The following MARCHF1 variants were observed in gnomAD, a reference collection of about 807,000 sequenced individuals.
The protein encoded by MARCHF1 is membrane associated ring-CH-type finger 1, also known as E3 ubiquitin-protein ligase MARCHF1.
Under a neutral mutation model 54.2 loss-of-function variants are expected in MARCHF1, and 40 were observed. The ratio of observed to expected loss-of-function variants is 0.74; its 90% CI spans 0.57 to 0.96. The LOEUF (loss-of-function observed/expected upper bound fraction) is 0.96. MARCHF1 is among the 40% of genes least tolerant of loss of function. MARCHF1 has a pLI of 0.00. For synonymous variants in MARCHF1, 236 were observed against 236.3 expected (o/e 1.00, Z 0.01); for missense variants, 586 against 656.5 (o/e 0.89, Z 1.17).
intron 4 of MARCHF1, among the ~76,000 whole-genome samples, chr4:163,827,040 A>G (rs1748871798): frequency 6.6e-6 from 1 of 152,036 alleles, no homozygotes; most frequent in Admixed American, 6.6e-5. Flanking sequence ...CTAAAATTGT[A>G]TGAACTTATG....
intron 5 of MARCHF1, among the ~76,000 whole-genome samples, chr4:163,678,986 G>A (rs1337390633): frequency 1.3e-5 from 2 of 152,102 alleles, no homozygotes; most frequent in Non-Finnish European, 2.9e-5. Flanking sequence ...ATGAACTAAC[G>A]AGATGTATAC....
intron 2 of MARCHF1, among the ~76,000 whole-genome samples, chr4:164,104,670 G>A (rs2111166527): frequency 6.1e-5 from 1 of 16,290 alleles, no homozygotes; most frequent in Admixed American, 8.1e-4. Flanking sequence ...TACTGAATGG[G>A]CAAAAACTGG....
At chr4:164,164,112 A>T (rs749217386) in intron 1 of MARCHF1, among the ~76,000 whole-genome samples, 1 of 151,986 alleles carries the variant, frequency 6.6e-6, no homozygotes, top group Non-Finnish European at 1.5e-5. Context: ...AGCACTAAAC[A>T]TCTATATTAG....
chr4:163,670,820 G>T (rs887065933), intron 5 of MARCHF1, among the ~76,000 whole-genome samples: 1 of 152,180 alleles, frequency 6.6e-6, no homozygotes, highest in South Asian at 2.1e-4. Flanking sequence ...TTTTATTTTG[G>T]TAGTAAATCA....
intron 1 of MARCHF1, among the ~76,000 whole-genome samples, chr4:164,311,189 A>G (rs1734841435): frequency 6.6e-6 from 1 of 152,130 alleles, no homozygotes; most frequent in South Asian, 2.1e-4. Context: ...TGAATTGCGG[A>G]TAGATATGTA....
Position 164,106,776 on chromosome 4 carries a change from A to T in MARCHF1, c.-248+4812T>A, listed in dbSNP as rs1240917613. Among the ~76,000 whole-genome samples the T allele has an allele frequency of 7.3e-5, 11 of 150,248 alleles. No individual in the cohort carries two copies. In the East Asian group the frequency reaches 1.4e-3, roughly 19 times the overall value. Reference sequence around the variant, plus strand: ...AAACTTGAAGTATAATAAAAATAAAAAATAAAAAAAAAAAAGGAATAAGCT... The same window carrying T: ...AAACTTGAAGTATAATAAAAATAAATAATAAAAAAAAAAAAGGAATAAGCT... On this transcript the variant is annotated intron_variant, in intron 2 of 9. Coordinates refer to ENST00000514618, the MANE Select transcript of MARCHF1 (RefSeq NM_001394959.1).
intron 1 of MARCHF1, among the ~76,000 whole-genome samples, chr4:164,120,517 G>A (rs1465114115): frequency 6.6e-6 from 1 of 152,024 alleles, no homozygotes; most frequent in East Asian, 1.9e-4. Context: ...TTTCATCCAA[G>A]AACTGCAGAA....
At chr4:164,127,620 A>C (rs1756213242) in intron 1 of MARCHF1, among the ~76,000 whole-genome samples, 1 of 152,222 alleles carries the variant, frequency 6.6e-6, no homozygotes, top group Non-Finnish European at 1.5e-5. Context: ...AATTGAAGAT[A>C]TATCATGAGA....
intron 4 of MARCHF1, among the ~76,000 whole-genome samples, chr4:163,752,821 C>G (rs1488385316): frequency 6.6e-6 from 1 of 152,190 alleles, no homozygotes; most frequent in African/African-American, 2.4e-5. Context: ...CCTATTCCCA[C>G]TATGTTGTTG....
chr4:164,049,997 A>T (rs546976446), intron 2 of MARCHF1, among the ~76,000 whole-genome samples: 60 of 152,306 alleles, frequency 3.9e-4, no homozygotes, highest in Admixed American at 2.0e-3. Flanking sequence ...GGCCTAGGCC[A>T]GGAGCAGTAG....
intron 4 of MARCHF1, among the ~76,000 whole-genome samples, chr4:163,748,406 CA>C (rs11315071): frequency 0.4 from 51,287 of 128,036 alleles, 9,004 homozygotes; most frequent in Non-Finnish European, 0.44. Context: ...TAATTTCTAC[CA>C]AAAAAAAAAA....
intron 3 of MARCHF1, among the ~76,000 whole-genome samples, chr4:163,962,808 T>A (rs1752367497): frequency 6.6e-6 from 1 of 151,948 alleles, no homozygotes; most frequent in Admixed American, 6.6e-5. Context: ...TAAAATAAGC[T>A]TTTTAAAGCG....
intron 1 of MARCHF1, among the ~76,000 whole-genome samples, chr4:164,126,892 C>A (rs1756194387): frequency 6.6e-6 from 1 of 151,976 alleles, no homozygotes; most frequent in Non-Finnish European, 1.5e-5. Context: ...CCCAGCTCTA[C>A]AAAATACAAA....
chr4:163,933,849 T>C (rs1751734387), intron 3 of MARCHF1, among the ~76,000 whole-genome samples: 1 of 152,208 alleles, frequency 6.6e-6, no homozygotes, highest in South Asian at 2.1e-4. Flanking sequence ...ACAGGGACTT[T>C]CCTTATTCAC....
chr4:164,282,615 T>C (rs1734052640), intron 1 of MARCHF1, among the ~76,000 whole-genome samples: 1 of 151,132 alleles, frequency 6.6e-6, no homozygotes, highest in Admixed American at 6.7e-5. Flanking sequence ...CACTCAAAAA[T>C]ACTCAATTGG....
chr4:163,839,263 C>T (rs1038038616), intron 4 of MARCHF1, among the ~76,000 whole-genome samples: 2 of 151,664 alleles, frequency 1.3e-5, no homozygotes, highest in African/African-American at 2.4e-5. Context: ...ATACATTCCT[C>T]GTGGAAATTT....
At position 164,272,263 on chromosome 4, in the gene MARCHF1, T is replaced by C. The variant is rs1183885667; in HGVS notation, c.-323+111607A>G. 2.6e-5 allele frequency among the ~76,000 whole-genome samples: 4 copies of C among 151,984 alleles called. No homozygotes were observed. In the South Asian group the frequency reaches 6.2e-4, roughly 24 times the overall value. ...TATATGCAGTGACTCAGCATCTTCA[T>C]TGCTAGTATGTACTCAAGAGAAACT... is the stretch of plus-strand genomic sequence containing the variant. On this transcript the variant is annotated intron_variant, in intron 1 of 9. Transcript: ENST00000514618.
chr4:163,697,966 C>A (rs557732295), intron 5 of MARCHF1, among the ~76,000 whole-genome samples: 1 of 152,190 alleles, frequency 6.6e-6, no homozygotes, highest in East Asian at 1.9e-4. Context: ...AGCACTTGCT[C>A]GAAGCCATCA....
At chr4:163,812,528 C>T (rs563956419) in intron 4 of MARCHF1, among the ~76,000 whole-genome samples, 15 of 152,144 alleles carry the variant, frequency 9.9e-5, no homozygotes, top group South Asian at 8.3e-4. Context: ...GAAGTCAAGG[C>T]GGGTGGATCA....
Sources: allele counts gnomAD v4.1 joint callset (sites outside exome capture counted in the v4.1 genomes callset), GRCh38; gene constraint gnomAD v4.1.1; transcripts MANE v1.5; gene names NCBI Gene and HGNC (gene_info 2026-07-23, HGNC 2026-07-21).